The following NALF1 variants were observed in gnomAD, a reference collection of about 807,000 sequenced individuals.
NALF1 encodes family with sequence similarity 155 member A.
A neutral mutation model predicts 48.4 loss-of-function variants in NALF1; 3 were observed. The observed-to-expected ratio is 0.06, with a 90% CI of 0.03 to 0.16. The LOEUF (loss-of-function observed/expected upper bound fraction) is 0.16, where lower values mean the gene tolerates loss of function less well. NALF1 is among the 10% of genes least tolerant of loss of function. The probability of loss-of-function intolerance (pLI) is 1.00; values close to 1 mark genes in which losing one functional copy is unlikely to be tolerated. For missense variants in NALF1, 526 were observed against 571.5 expected (o/e 0.92, Z 0.81); for synonymous variants, 262 against 245.7 (o/e 1.07, Z -0.62).
At chr13:107,177,289 C>A (rs1878959042) in intron 2 of NALF1, among the ~76,000 whole-genome samples, 1 of 152,066 alleles carries the variant, frequency 6.6e-6, no homozygotes, top group Non-Finnish European at 1.5e-5. Flanking sequence ...TCCATACTAC[C>A]CAAAGCAAGC....
At chr13:107,460,303 C>T (rs959939917) in intron 1 of NALF1, among the ~76,000 whole-genome samples, 4 of 152,212 alleles carry the variant, frequency 2.6e-5, no homozygotes, top group Middle Eastern at 3.2e-3. Flanking sequence ...CAAGACTACA[C>T]ACAGAGGTCC....
rs147793939 is a variant in NALF1 at position 107,183,154 on chromosome 13, G to A, written c.1088-12368C>T. ...CCATCCATATCCGCCATACAGCAGG[G>A]AAGACTGGAATTGTGGATTTGCTGG... On this transcript the variant is annotated intron_variant, in intron 2 of 2. Transcript: ENST00000375915. Among the ~76,000 whole-genome samples the A allele has an allele frequency of 9.0e-3, 1,373 of 152,216 alleles. 14 individuals are homozygous for A. The highest frequency in any genetic ancestry group is 0.014 in the Middle Eastern group (4 of 294).
At chr13:107,185,447 G>A (rs1446250138) in intron 2 of NALF1, among the ~76,000 whole-genome samples, 1 of 124,980 alleles carries the variant, frequency 8.0e-6, no homozygotes, top group Non-Finnish European at 1.5e-5. Flanking sequence ...CTTCCCCTGT[G>A]GATACTATTC....
intron 1 of NALF1, among the ~76,000 whole-genome samples, chr13:107,645,795 G>A (rs895165865): frequency 3.3e-5 from 5 of 151,936 alleles, no homozygotes; most frequent in East Asian, 1.9e-4. Context: ...AGGCAAAACC[G>A]GCACCATGTA....
At chr13:107,456,221 G>A (rs912431063) in intron 1 of NALF1, among the ~76,000 whole-genome samples, 5 of 152,152 alleles carry the variant, frequency 3.3e-5, no homozygotes, top group Non-Finnish European at 7.4e-5. Context: ...TGACACTAGA[G>A]TGCCTGTTTA....
chr13:107,658,751 A>C (rs560331942), intron 1 of NALF1, among the ~76,000 whole-genome samples: 1 of 151,996 alleles, frequency 6.6e-6, no homozygotes, highest in African/African-American at 2.4e-5. Flanking sequence ...CCCTTGACCC[A>C]CTCATCACTT....
chr13:107,485,500 C>T (rs1309573664), intron 1 of NALF1, among the ~76,000 whole-genome samples: 1 of 152,170 alleles, frequency 6.6e-6, no homozygotes, highest in Admixed American at 6.5e-5. Context: ...CCTTCCACCA[C>T]ATCAATTATA....
chr13:107,851,161 T>C (rs1880304349), intron 1 of NALF1, among the ~76,000 whole-genome samples: 1 of 152,178 alleles, frequency 6.6e-6, no homozygotes, highest in South Asian at 2.1e-4. Context: ...CTTCTCTCTT[T>C]CAATGTCGTC....
chr13:107,616,915 G>C (rs1315981738), intron 1 of NALF1, among the ~76,000 whole-genome samples: 1 of 151,938 alleles, frequency 6.6e-6, no homozygotes, highest in Non-Finnish European at 1.5e-5. Flanking sequence ...ATAACCGCTA[G>C]GTAAGGAAAA....
chr13:107,342,800 G>C (rs960379039), intron 1 of NALF1, among the ~76,000 whole-genome samples: 1 of 152,078 alleles, frequency 6.6e-6, no homozygotes, highest in African/African-American at 2.4e-5. Context: ...TAGAAAACAA[G>C]AGTCAATGAC....
rs984988135 is a variant in NALF1, at chr13:107,452,747, T to A, written c.916-241992A>T. Among the ~76,000 whole-genome samples, 3 of 152,282 alleles carry A rather than the reference T, an allele frequency of 2.0e-5. No individual in the cohort carries two copies. In the South Asian group the frequency reaches 6.2e-4, roughly 32 times the overall value. On this transcript the variant is annotated intron_variant, in intron 1 of 2. Coordinates refer to ENST00000375915, the MANE Select transcript of NALF1 (RefSeq NM_001080396.3). Reference sequence around the variant, plus strand: ...TCTAGCATTAATCCAAAAGTCCAACTTTAAAGTCTCTTCTGAGACCATAAG... The same window carrying A: ...TCTAGCATTAATCCAAAAGTCCAACATTAAAGTCTCTTCTGAGACCATAAG...
intron 1 of NALF1, among the ~76,000 whole-genome samples, chr13:107,341,445 G>C (rs1212185341): frequency 6.6e-6 from 1 of 151,990 alleles, no homozygotes; most frequent in Non-Finnish European, 1.5e-5. Context: ...AAGACTTTGT[G>C]AGTTTGGATT....
At chr13:107,491,818 T>A (rs1230523794) in intron 1 of NALF1, among the ~76,000 whole-genome samples, 1 of 152,176 alleles carries the variant, frequency 6.6e-6, no homozygotes, top group Admixed American at 6.5e-5. Context: ...TAGAAGGCTA[T>A]TGTAAAAATT....
At chr13:107,519,713 A>G (rs16970514) in intron 1 of NALF1, among the ~76,000 whole-genome samples, 2,546 of 152,266 alleles carry the variant, frequency 0.017, 67 homozygotes, top group African/African-American at 0.057. Flanking sequence ...AATCTACCTG[A>G]CCTAAAATAA....
intron 1 of NALF1, among the ~76,000 whole-genome samples, chr13:107,607,244 C>T (rs866126958): frequency 1.3e-4 from 20 of 152,018 alleles, no homozygotes; most frequent in Middle Eastern, 3.4e-3. Context: ...AAGAGTACTG[C>T]ATAGTAAAAC....
At chr13:107,549,923 G>A (rs938779369) in intron 1 of NALF1, among the ~76,000 whole-genome samples, 11 of 151,568 alleles carry the variant, frequency 7.3e-5, no homozygotes, top group African/African-American at 2.2e-4. Flanking sequence ...TGTTCATTTG[G>A]TCTAGAACAC....
At chr13:107,432,254 C>A (rs1409011274) in intron 1 of NALF1, among the ~76,000 whole-genome samples, 3 of 152,098 alleles carry the variant, frequency 2.0e-5, no homozygotes, top group East Asian at 3.9e-4. Flanking sequence ...AGGGCTGACA[C>A]CAAACCATTC....
chr13:107,419,042 A>G (rs1884140601), intron 1 of NALF1, among the ~76,000 whole-genome samples: 1 of 152,206 alleles, frequency 6.6e-6, no homozygotes, highest in Admixed American at 6.6e-5. Context: ...AAATATAAAT[A>G]AATAATATGA....
intron 1 of NALF1, among the ~76,000 whole-genome samples, chr13:107,394,372 G>A (rs1002351374): frequency 6.6e-6 from 1 of 152,100 alleles, no homozygotes; most frequent in African/African-American, 2.4e-5. Context: ...GGTTATTTTT[G>A]GTGTTTAAAC....
Sources: allele counts gnomAD v4.1 joint callset (sites outside exome capture counted in the v4.1 genomes callset), GRCh38; gene constraint gnomAD v4.1.1; transcripts MANE v1.5; gene names NCBI Gene and HGNC (gene_info 2026-07-23, HGNC 2026-07-21).